The following MAMLD1 variants were observed in gnomAD, a reference collection of about 807,000 sequenced individuals.
MAMLD1 encodes the protein mastermind like domain containing 1.
A neutral mutation model predicts 45.0 loss-of-function variants in MAMLD1; 14 were observed. The ratio of observed to expected loss-of-function variants is 0.31; its 90% CI spans 0.21 to 0.49. The LOEUF (loss-of-function observed/expected upper bound fraction) is 0.49, where lower values mean the gene tolerates loss of function less well. Ranked by LOEUF, MAMLD1 falls within the 20% of genes least tolerant of loss-of-function variation. MAMLD1 has a pLI of 0.99. For missense variants in MAMLD1, 543 were observed against 603.6 expected, an observed-to-expected ratio of 0.90 and a Z score of 1.05; for synonymous variants, 254 against 247.8, an observed-to-expected ratio of 1.02 and a Z score of -0.24.
chrX:150,422,495 A>T (rs1334969978), intron 1 of MAMLD1, among the ~76,000 whole-genome samples: 1 of 111,379 alleles, frequency 9.0e-6, no homozygotes, highest in African/African-American at 3.3e-5. Flanking sequence ...TGCAACCTCC[A>T]CCTCCCGGGG....
At chrX:150,384,072 A>C (rs1557401962) in intron 1 of MAMLD1, among the ~76,000 whole-genome samples, 1 of 111,795 alleles carries the variant, frequency 8.9e-6, no homozygotes, top group East Asian at 2.8e-4. Flanking sequence ...GCTGTTGTTA[A>C]CATTCATGTA....
chrX:150,463,033 G>T (rs782597024), intron 3 of MAMLD1, among the ~76,000 whole-genome samples, 187 bp downstream of exon 3: 1 of 112,167 alleles, frequency 8.9e-6, no homozygotes, highest in Non-Finnish European at 1.9e-5. Flanking sequence ...CTCCAACCTC[G>T]GTTCTGCCTC....
intron 1 of MAMLD1, among the ~76,000 whole-genome samples, chrX:150,377,388 G>A (rs1323262372): frequency 8.8e-6 from 1 of 113,311 alleles, no homozygotes; most frequent in Non-Finnish European, 1.9e-5. Flanking sequence ...GATGTGACTT[G>A]ACCAGTACAG....
intron 5 of MAMLD1, among the ~76,000 whole-genome samples, chrX:150,493,866 G>C (rs1395973345): frequency 8.9e-6 from 1 of 111,841 alleles, no homozygotes; most frequent in African/African-American, 3.2e-5. Context: ...AAAGTGGAGA[G>C]AAAACACAAA....
At chrX:150,505,642 T>C (rs2037704033) in intron 6 of MAMLD1, among the ~76,000 whole-genome samples, 3 of 111,936 alleles carry the variant, frequency 2.7e-5, no homozygotes, top group Admixed American at 1.9e-4. Flanking sequence ...CCACCCCAGA[T>C]CTCGGCGTTA....
chrX:150,384,578 C>T (rs1557401985), intron 1 of MAMLD1, among the ~76,000 whole-genome samples: 2 of 111,564 alleles, frequency 1.8e-5, no homozygotes, highest in East Asian at 5.6e-4. Flanking sequence ...TTTACACTTC[C>T]TTGATGGTAT....
intron 1 of MAMLD1, among the ~76,000 whole-genome samples, chrX:150,384,635 A>T (rs1264436688): frequency 8.9e-6 from 1 of 111,976 alleles, no homozygotes; most frequent in African/African-American, 3.2e-5. Context: ...TAATTTATTT[A>T]GTTTTTCTTT....
Position 150,471,009 on chromosome X carries a change from T to C in MAMLD1, c.1436T>C (p.Leu479Pro). Residue 479 changes from leucine (L) to proline (P), a missense_variant, in exon 4 of 8, where the codon CTG becomes CCG. Coordinates refer to ENST00000370401, the MANE Select transcript of MAMLD1 (RefSeq NM_005491.5). ...PQQSFTPQCS[L>P]IRSLTPTSNL... ...CAGTCCTTCACCCCACAGTGTTCCCTGATCCGAAGCCTCACTCCCACCAGT... is the reference window on the plus strand; with the variant it reads ...CAGTCCTTCACCCCACAGTGTTCCCCGATCCGAAGCCTCACTCCCACCAGT... 1.7e-6 allele frequency: 2 copies of C among 1,211,840 alleles called. No individual in the cohort carries two copies. The highest frequency in any genetic ancestry group is 2.2e-6 in the Non-Finnish European group (2 of 895,556).
intron 1 of MAMLD1, among the ~76,000 whole-genome samples, chrX:150,368,481 A>C (rs1163900267): frequency 3.0e-4 from 33 of 109,746 alleles, no homozygotes; most frequent in Non-Finnish European, 5.9e-4. Context: ...AGATGAGTAG[A>C]TTGCAAAAAT....
intron 3 of MAMLD1, among the ~76,000 whole-genome samples, chrX:150,468,233 T>A (rs782206184): frequency 2.3e-4 from 26 of 112,157 alleles, no homozygotes; most frequent in African/African-American, 8.4e-4. Context: ...CATACAGCCC[T>A]GGGGATCTGC....
intron 3 of MAMLD1, among the ~76,000 whole-genome samples, chrX:150,465,091 T>C (rs1557405819): frequency 8.9e-6 from 1 of 112,290 alleles, no homozygotes; most frequent in East Asian, 2.8e-4. Context: ...CCTCCTATCT[T>C]CTTGCCCAAT....
At chrX:150,403,999 GA>G (rs2033930066) in intron 1 of MAMLD1, among the ~76,000 whole-genome samples, 2 of 56,520 alleles carry the variant, frequency 3.5e-5, no homozygotes, top group African/African-American at 1.3e-4. Flanking sequence ...AAAGAAAGAA[GA>G]AAGGAAGGAA....
intron 5 of MAMLD1, among the ~76,000 whole-genome samples, chrX:150,491,238 G>T (rs1330430003): frequency 5.4e-5 from 6 of 111,867 alleles, no homozygotes; most frequent in African/African-American, 1.9e-4. Context: ...AACACTGGTT[G>T]TCTGAGGTCA....
chrX:150,414,466 C>T lies in MAMLD1; in HGVS notation c.-63-30988C>T, dbSNP rs183469933. Among the ~76,000 whole-genome samples, 423 of 111,422 alleles carry T rather than the reference C, an allele frequency of 3.8e-3. 3 individuals are homozygous for T. Among genetic ancestry groups the T allele is most frequent in the Non-Finnish European group, 6.9e-3 (364 of 53,042 alleles). On this transcript the variant is annotated intron_variant, in intron 1 of 7. Coordinates refer to ENST00000370401, the MANE Select transcript of MAMLD1 (RefSeq NM_005491.5). ...GCCATGGATAATGGATTAACACCCT[C>T]CCTTACAGAGAGGGACCTGGAGGCA...
At position 150,513,915 on chromosome X, in the gene MAMLD1, G is replaced by T; in HGVS notation, c.*1956G>T. 1 of 297,368 alleles carries T rather than the reference G, an allele frequency of 3.4e-6. No individual in the cohort carries two copies. 24.5% of individuals were successfully genotyped at this position (297,368 alleles called of 1,213,427 possible). On this transcript the variant is annotated 3_prime_UTR_variant, in exon 8 of 8. Transcript: ENST00000370401. ...TTTTGATGTAAGGCTCTGTGGTTTGGGGGGGAACATCTGTAAACATTATTA... is the reference window on the plus strand; with the variant it reads ...TTTTGATGTAAGGCTCTGTGGTTTGTGGGGGAACATCTGTAAACATTATTA...
intron 5 of MAMLD1, among the ~76,000 whole-genome samples, chrX:150,478,389 C>G (rs1180213747): frequency 8.9e-6 from 1 of 111,799 alleles, no homozygotes; most frequent in Non-Finnish European, 1.9e-5. Flanking sequence ...TCAGATCCAC[C>G]ACATATTTTC....
chrX:150,497,095 A>G (rs1008389596), intron 5 of MAMLD1, among the ~76,000 whole-genome samples: 1 of 111,461 alleles, frequency 9.0e-6, no homozygotes, highest in Non-Finnish European at 1.9e-5. Context: ...GTTAAATTAT[A>G]TACGTTTGTG....
chrX:150,462,160 G>A (rs1407636759), intron 2 of MAMLD1, among the ~76,000 whole-genome samples: 1 of 112,139 alleles, frequency 8.9e-6, no homozygotes, highest in Non-Finnish European at 1.9e-5. Flanking sequence ...TGGTGAGATG[G>A]GATGTGTGTC....
rs376833209 is a variant in MAMLD1, at chrX:150,513,139, A to G, written c.*1180A>G. ...ACTCTAGGAAGTGGTGTCGATCCAT[A>G]CCCGCAGTTGTCTCCCGTTACAATT... On this transcript the variant is annotated 3_prime_UTR_variant, in exon 8 of 8. Transcript: ENST00000370401. 13 of 931,906 alleles carry G rather than the reference A, an allele frequency of 1.4e-5. No homozygotes were observed. The highest frequency in any genetic ancestry group is 2.5e-5 in the South Asian group (1 of 40,700). 76.8% of individuals were successfully genotyped at this position (931,906 alleles called of 1,213,427 possible). A position where few individuals can be genotyped will look rare whatever the true frequency, so the allele number is the denominator to read the frequency against.
Sources: allele counts gnomAD v4.1 joint callset (sites outside exome capture counted in the v4.1 genomes callset), GRCh38; gene constraint gnomAD v4.1.1; transcripts MANE v1.5; gene names NCBI Gene and HGNC (gene_info 2026-07-23, HGNC 2026-07-21).